Variants in ACSM6 observed in about 807,000 individuals in gnomAD.
ACSM6 encodes acyl-coenzyme A synthetase ACSM6, mitochondrial.
ACSM6 carries 35 observed loss-of-function variants against 51.1 expected under a neutral mutation model. That is an observed-to-expected ratio of 0.69 (90% CI 0.52 to 0.91). The LOEUF (loss-of-function observed/expected upper bound fraction) is 0.91. ACSM6 is among the 40% of genes least tolerant of loss of function. The pLI is 0.00. For missense variants in ACSM6, 509 were observed against 584.1 expected (o/e 0.87, Z 1.32); for synonymous variants, 172 against 207.3 (o/e 0.83, Z 1.46).
exon 1 of ACSM6, chr10:95,194,250 C>A: frequency 2.2e-6 from 1 of 453,956 alleles, no homozygotes; most frequent in Non-Finnish European, 3.9e-6. Flanking sequence ...AAGGCAACAG[C>A]TCTACCATCC....
At chr10:95,211,993 C>T in exon 6 of ACSM6, 1 of 1,614,098 alleles carries the variant, frequency 6.2e-7, no homozygotes, top group South Asian at 1.1e-5. Flanking sequence ...CTGTGTGTTT[C>T]TGTGTCACAT....
intron 6 of ACSM6, among the ~76,000 whole-genome samples, chr10:95,212,527 A>G (rs186569042): frequency 4.6e-5 from 7 of 152,290 alleles, no homozygotes; most frequent in Admixed American, 3.3e-4. Context: ...CACAATCCAC[A>G]ATTTTGCTGG....
At chr10:95,214,888 A>C in exon 8 of ACSM6, 1 of 1,551,614 alleles carries the variant, frequency 6.4e-7, no homozygotes, top group Non-Finnish European at 8.7e-7. Context: ...GTGTGGCTGC[A>C]GGAGGACCCA....
chr10:95,199,651 A>C (rs2034771616), intron 2 of ACSM6, among the ~76,000 whole-genome samples: 1 of 152,228 alleles, frequency 6.6e-6, no homozygotes, highest in South Asian at 2.1e-4. Context: ...AAACAAATTC[A>C]CAAGAAAAAA....
At chr10:95,223,101 G>A (rs1487044363) in intron 9 of ACSM6, among the ~76,000 whole-genome samples, 1 of 151,386 alleles carries the variant, frequency 6.6e-6, no homozygotes, top group Admixed American at 6.6e-5. Context: ...TTTTTAATTT[G>A]TCAAATGAAG....
At chr10:95,210,954 GC>G (rs1197862934) in intron 5 of ACSM6, among the ~76,000 whole-genome samples, 161 bp downstream of exon 5, 1 of 152,194 alleles carries the variant, frequency 6.6e-6, no homozygotes, top group Non-Finnish European at 1.5e-5. Context: ...AAGATGAAAA[GC>G]AAATTACTAT....
exon 2 of ACSM6, chr10:95,194,466 T>C: frequency 6.5e-7 from 1 of 1,549,422 alleles, no homozygotes; most frequent in Non-Finnish European, 8.7e-7. Context: ...TTTACCTAGG[T>C]GGTTCCCTGT....
At chr10:95,223,332 G>T (rs1280328316) in intron 9 of ACSM6, among the ~76,000 whole-genome samples, 1 of 152,024 alleles carries the variant, frequency 6.6e-6, no homozygotes, top group East Asian at 1.9e-4. Context: ...TCAAAATGGG[G>T]TCATAGTATG....
intron 5 of ACSM6, among the ~76,000 whole-genome samples, 164 bp from the exon 6 acceptor site, chr10:95,211,714 T>C (rs548369607): frequency 2.0e-5 from 3 of 152,308 alleles, no homozygotes; most frequent in South Asian, 4.1e-4. Flanking sequence ...CTGAAAAAAT[T>C]TAAGGAGTCC....
At chr10:95,201,392 G>A (rs372965742) in intron 2 of ACSM6, 1 of 435,724 alleles carries the variant, frequency 2.3e-6, no homozygotes, top group Admixed American at 2.4e-5. Flanking sequence ...CCACTTATAA[G>A]TGAAAACAGG....
intron 2 of ACSM6, among the ~76,000 whole-genome samples, chr10:95,196,624 T>G (rs1161833811): frequency 6.6e-6 from 1 of 152,238 alleles, no homozygotes; most frequent in African/African-American, 2.4e-5. Context: ...GTGGAGTCAT[T>G]CTATATATAA....
intron 8 of ACSM6, 142 bp from the exon 9 acceptor site, chr10:95,219,749 A>T: frequency 1.7e-6 from 1 of 584,704 alleles, no homozygotes. Flanking sequence ...CTCCTGCTTG[A>T]TTTTTTTTTA....
chr10:95,219,562 A>C (rs7070484), intron 8 of ACSM6, among the ~76,000 whole-genome samples: 6,416 of 152,254 alleles, frequency 0.042, 486 homozygotes, highest in African/African-American at 0.15. Flanking sequence ...TGTATCTTTT[A>C]ATCTATGAAT....
At chr10:95,196,844 G>A in intron 2 of ACSM6, among the ~76,000 whole-genome samples, 1 of 152,170 alleles carries the variant, frequency 6.6e-6, no homozygotes, top group South Asian at 2.1e-4. Context: ...ATATCTCTAT[G>A]TTTATAAAGT....
chr10:95,211,800 G>C (rs2034895679), intron 5 of ACSM6, 78 bp from the exon 6 acceptor site: 1 of 1,413,956 alleles, frequency 7.1e-7, no homozygotes, highest in East Asian at 2.3e-5. Context: ...ACAGGTCAGG[G>C]CTTGATAATA....
intron 8 of ACSM6, among the ~76,000 whole-genome samples, chr10:95,216,656 G>A (rs890243531): frequency 6.6e-6 from 1 of 152,096 alleles, no homozygotes; most frequent in African/African-American, 2.4e-5. Context: ...TCAGAAGGTG[G>A]TATTGGGAGC....
At chr10:95,211,726 T>C (rs764560382) in intron 5 of ACSM6, 152 bp from the exon 6 acceptor site, 100 of 743,224 alleles carry the variant, frequency 1.3e-4, no homozygotes, top group Non-Finnish European at 1.8e-4. Flanking sequence ...AAGGAGTCCA[T>C]TGGCCTCATG....
intron 9 of ACSM6, among the ~76,000 whole-genome samples, chr10:95,223,086 G>C (rs1015789595): frequency 4.0e-5 from 6 of 151,668 alleles, no homozygotes; most frequent in Non-Finnish European, 7.4e-5. Context: ...AGATGAAAGA[G>C]ATATTTTTTA....
At chr10:95,195,849 G>A (rs935658080) in intron 2 of ACSM6, among the ~76,000 whole-genome samples, 19 of 152,316 alleles carry the variant, frequency 1.2e-4, no homozygotes, top group South Asian at 4.1e-4. Context: ...CTTCTGTTTA[G>A]GAGACTTAAT....
Sources: gnomAD v4.1 joint callset for allele counts (sites outside exome capture counted in the v4.1 genomes callset) on GRCh38, gnomAD v4.1.1 for gene constraint, MANE v1.5 for transcripts, NCBI Gene and HGNC (gene_info 2026-07-23, HGNC 2026-07-21) for gene names.